The following MYOM2 variants were observed in gnomAD, a reference collection of about 807,000 sequenced individuals.
MYOM2 encodes myomesin 2.
MYOM2 carries 254 observed loss-of-function variants against 187.6 expected under a neutral mutation model. The observed-to-expected ratio is 1.35, with a 90% confidence interval of 1.22 to 1.50. The LOEUF is 1.50. Among genes scored for constraint, MYOM2 ranks in the 40% most tolerant of loss-of-function variants. MYOM2 has a pLI of 0.00. For synonymous variants in MYOM2, 981 were observed against 753.8 expected, an observed-to-expected ratio of 1.30 and a Z score of -4.94; for missense variants, 2,796 against 1,924.0, an observed-to-expected ratio of 1.45 and a Z score of -8.48.
intron 31 of MYOM2, 45 bp downstream of exon 31, chr8:2,124,262 A>T (rs765617630): frequency 6.4e-7 from 1 of 1,569,516 alleles, no homozygotes; most frequent in South Asian, 1.1e-5. Flanking sequence ...GGGTGCTGAA[A>T]TCACTATTTC....
At chr8:2,136,090 A>G (rs1798059442) in intron 32 of MYOM2, among the ~76,000 whole-genome samples, 1 of 152,218 alleles carries the variant, frequency 6.6e-6, no homozygotes. Flanking sequence ...AGTCGTATCG[A>G]GGGAACAGAA....
At chr8:2,116,432 C>A (rs1797247649) in intron 27 of MYOM2, among the ~76,000 whole-genome samples, 157 bp downstream of exon 27, 1 of 152,174 alleles carries the variant, frequency 6.6e-6, no homozygotes, top group South Asian at 2.1e-4. Context: ...AGGAAAGGAA[C>A]CTGCTTTATA....
intron 6 of MYOM2, among the ~76,000 whole-genome samples, chr8:2,063,852 G>A (rs920047051): frequency 3.3e-5 from 5 of 152,212 alleles, no homozygotes; most frequent in East Asian, 1.9e-4. Context: ...CGCCATGGAC[G>A]TTTGTATAAA....
chr8:2,120,317 G>C lies in MYOM2; in HGVS notation c.3453+2365G>C, dbSNP rs140806110. On this transcript the variant is annotated intron_variant, in intron 28 of 36. Transcript: ENST00000262113. ...TGAGCAGGAAAGTGAGGCCAGGCGG[G>C]ATAAATGGAGAGGAGGCAGGGCTAA... Among the ~76,000 whole-genome samples, 515 of 152,106 alleles carry C rather than the reference G, an allele frequency of 3.4e-3. 4 individuals carry two copies. The highest frequency in any genetic ancestry group is 0.012 in the African/African-American group (497 of 41,524).
At chr8:2,082,797 G>A (rs1819674333) in intron 13 of MYOM2, among the ~76,000 whole-genome samples, 1 of 152,314 alleles carries the variant, frequency 6.6e-6, no homozygotes, top group South Asian at 2.1e-4. Flanking sequence ...CAGCCCACAT[G>A]CTCAGTCATT....
Position 2,143,393 on chromosome 8 carries a change from C to G in MYOM2, c.4025-8C>G. 2.5e-6 allele frequency: 4 copies of G among 1,614,194 alleles called. No homozygotes were observed. Among genetic ancestry groups the G allele is most frequent in the Non-Finnish European group, 3.4e-6 (4 of 1,180,046 alleles). The stretch of plus-strand genomic sequence containing the variant: ...TGTTTTCCTAACCAAGGTGCTTTCC[C>G]GTTGCAGATCGTGGCAGGTTGATCG... On this transcript the variant is annotated splice_region_variant and splice_polypyrimidine_tract_variant and intron_variant, in intron 35 of 36. Transcript: ENST00000262113.
rs537816056 is a variant in MYOM2 at position 2,118,074 on chromosome 8, G to A, written c.3453+122G>A. 5.8e-4 allele frequency: 453 copies of A among 786,100 alleles called. No homozygotes were observed. In the African/African-American group the frequency reaches 6.9e-3, roughly 12 times the overall value. The allele number at this position is 786,100 out of a possible 1,614,324, so 48.7% of individuals were successfully genotyped here. On this transcript the variant is annotated intron_variant, in intron 28 of 36. Transcript: ENST00000262113. ...TGGTGAGGAAACGTGTGGTGCCTGTGTAGCTGCGGATGGGCGGAGTGGCTT... is the reference window on the plus strand; with the variant it reads ...TGGTGAGGAAACGTGTGGTGCCTGTATAGCTGCGGATGGGCGGAGTGGCTT...
intron 17 of MYOM2, among the ~76,000 whole-genome samples, chr8:2,094,350 C>G (rs969295299): frequency 2.0e-5 from 3 of 152,178 alleles, no homozygotes; most frequent in Non-Finnish European, 2.9e-5. Context: ...AATACCTGTA[C>G]TCATGTTAAA....
chr8:2,087,741 C>G (rs766591418), intron 14 of MYOM2, among the ~76,000 whole-genome samples: 4 of 152,204 alleles, frequency 2.6e-5, no homozygotes, highest in African/African-American at 4.8e-5. Flanking sequence ...CCCCTAACAC[C>G]CAGAGTAGCT....
intron 2 of MYOM2, among the ~76,000 whole-genome samples, chr8:2,051,208 G>A (rs1372750555): frequency 6.6e-6 from 1 of 152,196 alleles, no homozygotes; most frequent in Non-Finnish European, 1.5e-5. Flanking sequence ...CAATGAGATT[G>A]AAACTGGTGG....
At chr8:2,131,213 C>T (rs565576717) in intron 32 of MYOM2, among the ~76,000 whole-genome samples, 1 of 152,296 alleles carries the variant, frequency 6.6e-6, no homozygotes, top group South Asian at 2.1e-4. Flanking sequence ...CAAGCAGGTA[C>T]TTTGTGTTAC....
Position 2,090,562 on chromosome 8 carries a change from G to A in MYOM2, c.1828+371G>A, listed in dbSNP as rs139837162. On this transcript the variant is annotated intron_variant, in intron 15 of 36. Transcript: ENST00000262113. ...GGGGGTTTGTTGTAAAGATTATTTC[G>A]TCACCCAGGTACCAAGCCTAGTAGC... Among the ~76,000 whole-genome samples the A allele has an allele frequency of 1.2e-3, 177 of 152,102 alleles. 3 individuals are homozygous for A. The highest frequency in any genetic ancestry group is 6.8e-3 in the Middle Eastern group (2 of 294).
intron 13 of MYOM2, among the ~76,000 whole-genome samples, chr8:2,083,790 G>A (rs1819716456): frequency 6.6e-6 from 1 of 152,200 alleles, no homozygotes; most frequent in Admixed American, 6.5e-5. Context: ...GGCTGATGAA[G>A]ATGTGAAGAA....
At chr8:2,064,894 A>C (rs144408786) in intron 6 of MYOM2, among the ~76,000 whole-genome samples, 1,944 of 152,318 alleles carry the variant, frequency 0.013, 67 homozygotes, top group African/African-American at 0.044. Context: ...GAGCTGTGAA[A>C]CAGCAATTCA....
rs778821096 is a variant in MYOM2, at chr8:2,079,618, G to T, written c.1516+5G>T. 1.9e-6 allele frequency: 3 copies of T among 1,614,050 alleles called. No homozygotes were observed. Among genetic ancestry groups the T allele is most frequent in the East Asian group, 4.5e-5 (2 of 44,878 alleles). On this transcript the variant is annotated splice_donor_5th_base_variant and intron_variant, in intron 13 of 36. Coordinates refer to ENST00000262113, the MANE Select transcript of MYOM2 (RefSeq NM_003970.4). ...TTTATCAGGATGACCTTGAAGGTAA[G>T]TAGCACCTCATCACCCCAGCTGCTC... is the stretch of plus-strand genomic sequence containing the variant.
chr8:2,073,904 C>T (rs994705906), intron 10 of MYOM2, among the ~76,000 whole-genome samples: 4 of 152,172 alleles, frequency 2.6e-5, no homozygotes, highest in Non-Finnish European at 4.4e-5. Context: ...GCGACTCATT[C>T]CCTCTGGACT....
chr8:2,112,799 T>C (rs1797110836), intron 25 of MYOM2, among the ~76,000 whole-genome samples: 2 of 152,244 alleles, frequency 1.3e-5, no homozygotes, highest in Non-Finnish European at 2.9e-5. Context: ...AGAAGGTTGC[T>C]GATTTTCTGG....
At chr8:2,095,953 C>T (rs1563051551) in intron 17 of MYOM2, among the ~76,000 whole-genome samples, 1 of 152,194 alleles carries the variant, frequency 6.6e-6, no homozygotes. Flanking sequence ...TCTGCTGTGT[C>T]AAATGTTCAT....
chr8:2,056,391 T>C (rs747379273), intron 3 of MYOM2, among the ~76,000 whole-genome samples: 43 of 152,094 alleles, frequency 2.8e-4, no homozygotes, highest in Non-Finnish European at 5.3e-4. Context: ...GGGAGGTTGA[T>C]GAGGCTGAAA....
Sources: allele counts gnomAD v4.1 joint callset (sites outside exome capture counted in the v4.1 genomes callset), GRCh38; gene constraint gnomAD v4.1.1; transcripts MANE v1.5; gene names NCBI Gene and HGNC (gene_info 2026-07-23, HGNC 2026-07-21).